The following SLC3A2 variants were observed in gnomAD, a reference collection of about 807,000 sequenced individuals.
The protein encoded by SLC3A2 is amino acid transporter heavy chain SLC3A2.
Under a neutral mutation model 48.5 loss-of-function variants are expected in SLC3A2, and 32 were observed. The observed-to-expected ratio is 0.66, with a 90% CI of 0.50 to 0.89. The LOEUF is 0.89. SLC3A2 is among the 40% of genes least tolerant of loss of function. The pLI is 0.00. For synonymous variants in SLC3A2, 277 were observed against 288.8 expected, an observed-to-expected ratio of 0.96 and a Z score of 0.41; for missense variants, 587 against 680.7, an observed-to-expected ratio of 0.86 and a Z score of 1.53.
intron 1 of SLC3A2, chr11:62,856,528 C>T: frequency 1.5e-6 from 1 of 659,902 alleles, no homozygotes; most frequent in South Asian, 2.0e-5. Flanking sequence ...GGTGCGTTTT[C>T]TTTAGATCTT....
intron 3 of SLC3A2, chr11:62,883,979 C>G (rs1350279009): frequency 2.2e-6 from 1 of 456,610 alleles, no homozygotes; most frequent in South Asian, 1.5e-5. Context: ...TGTACTCACA[C>G]CTTCCCCAGG....
At chr11:62,877,630 T>G (rs2085583967), upstream of SLC3A2, among the ~76,000 whole-genome samples, 1 of 152,198 alleles carries the variant, frequency 6.6e-6, no homozygotes, top group Non-Finnish European at 1.5e-5. Context: ...AGCTGTCACT[T>G]GAGCTAGATC....
chr11:62,876,930 G>C (rs2085576621), upstream of SLC3A2: 1 of 993,200 alleles, frequency 1.0e-6, no homozygotes. Flanking sequence ...ACAGTTACAA[G>C]TCTTGGTTTG....
At chr11:62,886,310 A>G (rs57721292) in intron 7 of SLC3A2, 1 of 151,932 alleles carries the variant, frequency 6.6e-6, no homozygotes, top group East Asian at 1.9e-4. Flanking sequence ...AGAAAAGAAA[A>G]GAAAGAAAGA....
chr11:62,861,602 CAG>C lies in SLC3A2; in HGVS notation c.112+5224_112+5225del, dbSNP rs376870185. Among the ~76,000 whole-genome samples the C allele has an allele frequency of 2.2e-4, 33 of 152,198 alleles. No individual in the cohort carries two copies. The East Asian group carries it at 6.4e-3, about 29-fold the overall frequency. ...TCTAGTTCATTCTCCACACTGTAGT[CAG>C]AGTGATCTTTACGAATAAAAACTCT... On this transcript the variant is annotated intron_variant, in intron 1 of 9. Coordinates refer to the SLC3A2 transcript ENST00000377889.
chr11:62,878,073 C>T (rs545128102), upstream of SLC3A2, among the ~76,000 whole-genome samples: 2 of 151,936 alleles, frequency 1.3e-5, no homozygotes, highest in Non-Finnish European at 2.9e-5. Context: ...GAAGAAGAAT[C>T]GCTTGAACCT....
At chr11:62,883,831 TG>T in intron 3 of SLC3A2, 1 of 358,134 alleles carries the variant, frequency 2.8e-6, no homozygotes, top group Non-Finnish European at 5.6e-6. Flanking sequence ...AAAAGGAGAA[TG>T]GGGGTGAAGT....
chr11:62,882,710 G>A (rs894647713), intron 2 of SLC3A2, 198 bp from the exon 3 acceptor site: 1 of 560,478 alleles, frequency 1.8e-6, no homozygotes, highest in South Asian at 2.0e-5. Flanking sequence ...TTTTGAACTC[G>A]CCTGGCCTGC....
rs1420096508 is a variant in SLC3A2 at position 62,883,015 on chromosome 11, G to A, written c.690+16G>A. ...CAAGGTGAAGGTGAGTGTTGGAGCT[G>A]ATGGCTGGTGGAAGTCAGATGCTGG... On this transcript the variant is annotated intron_variant, in intron 3 of 8. Transcript: ENST00000338663. 1.9e-6 allele frequency: 3 copies of A among 1,611,168 alleles called. No homozygotes were observed. In the African/African-American group the frequency reaches 4.0e-5, roughly 22 times the overall value.
intron 1 of SLC3A2, chr11:62,871,690 T>TA (rs2085518724): frequency 3.4e-6 from 2 of 594,682 alleles, no homozygotes; most frequent in African/African-American, 1.9e-5. Flanking sequence ...TTTTAGCAAA[T>TA]AACATGCTTG....
At chr11:62,870,871 A>C in intron 1 of SLC3A2, 1 of 185,418 alleles carries the variant, frequency 5.4e-6, no homozygotes. Context: ...TATTATTATT[A>C]TTATTATTAT....
intron 1 of SLC3A2, among the ~76,000 whole-genome samples, chr11:62,859,983 C>T (rs2085381090): frequency 6.6e-6 from 1 of 152,148 alleles, no homozygotes; most frequent in Non-Finnish European, 1.5e-5. Context: ...GGACCCGCAC[C>T]AGCACTGGTC....
intron 1 of SLC3A2, among the ~76,000 whole-genome samples, chr11:62,857,514 C>T (rs1452966673): frequency 6.6e-6 from 1 of 151,660 alleles, no homozygotes; most frequent in African/African-American, 2.4e-5. Flanking sequence ...AAACCCATAC[C>T]GATCTCTACA....
At chr11:62,883,693 C>A (rs1394170657) in intron 3 of SLC3A2, 3 of 258,598 alleles carry the variant, frequency 1.2e-5, no homozygotes, top group Non-Finnish European at 2.3e-5. Context: ...TAGGCCTTGC[C>A]AGTTACTAGG....
At chr11:62,873,467 T>C (rs2085538447) in intron 1 of SLC3A2, among the ~76,000 whole-genome samples, 1 of 150,470 alleles carries the variant, frequency 6.6e-6, no homozygotes, top group Non-Finnish European at 1.5e-5. Context: ...CCAGCCAGGG[T>C]GACAGTGCGA....
chr11:62,874,826 G>T (rs548832405), intron 1 of SLC3A2, among the ~76,000 whole-genome samples: 79 of 149,946 alleles, frequency 5.3e-4, no homozygotes, highest in African/African-American at 1.8e-3. Flanking sequence ...CTGGAGTGCA[G>T]TGTAATCTCA....
At chr11:62,864,095 C>T (rs1346193100) in intron 1 of SLC3A2, among the ~76,000 whole-genome samples, 1 of 152,164 alleles carries the variant, frequency 6.6e-6, no homozygotes, top group African/African-American at 2.4e-5. Flanking sequence ...ACAGACACCA[C>T]ACCCGTGCAT....
chr11:62,888,278 CTG>C, intron 8 of SLC3A2, 51 bp from the exon 9 acceptor site: 1 of 1,609,444 alleles, frequency 6.2e-7, no homozygotes, highest in Non-Finnish European at 8.5e-7. Context: ...TTGTAGAAGT[CTG>C]TACCCAGGGG....
intron 5 of SLC3A2, 114 bp downstream of exon 5, chr11:62,884,804 T>C: frequency 1.9e-6 from 1 of 514,972 alleles, no homozygotes; most frequent in Non-Finnish European, 3.1e-6. Flanking sequence ...ACCTTTATTC[T>C]TTCTTTAGCT....
Sources: gnomAD v4.1 joint callset for allele counts (sites outside exome capture counted in the v4.1 genomes callset) on GRCh38, gnomAD v4.1.1 for gene constraint, MANE v1.5 for transcripts, NCBI Gene and HGNC (gene_info 2026-07-23, HGNC 2026-07-21) for gene names.